ATXN1: variants seen among roughly 807,000 people sequenced by gnomAD.
ATXN1 encodes the protein ataxin-1.
ATXN1 carries 8 observed loss-of-function variants against 56.4 expected under a neutral mutation model. That is an observed-to-expected ratio of 0.14 (90% CI 0.08 to 0.26). The LOEUF is 0.26. Among genes scored for constraint, ATXN1 ranks in the 10% least tolerant of loss-of-function variants. The pLI, the probability that ATXN1 is intolerant of heterozygous loss-of-function variation, is 1.00. For synonymous variants in ATXN1, 514 were observed against 494.6 expected (o/e 1.04, Z -0.52); for missense variants, 987 against 1,106.5 (o/e 0.89, Z 1.53).
intron 6 of ATXN1, among the ~76,000 whole-genome samples, chr6:16,420,731 T>C (rs1339325003): frequency 6.6e-6 from 1 of 152,224 alleles, no homozygotes; most frequent in Non-Finnish European, 1.5e-5. Flanking sequence ...GATGGCTTTA[T>C]AGTCTAAGTT....
chr6:16,458,372 A>T (rs1404785043), intron 6 of ATXN1, among the ~76,000 whole-genome samples: 1 of 152,192 alleles, frequency 6.6e-6, no homozygotes, highest in Non-Finnish European at 1.5e-5. Flanking sequence ...TGCCTTCCTC[A>T]AGCAGCTATG....
chr6:16,492,074 G>C (rs1760676791), intron 5 of ATXN1, among the ~76,000 whole-genome samples: 1 of 152,136 alleles, frequency 6.6e-6, no homozygotes, highest in Admixed American at 6.5e-5. Flanking sequence ...CTCAATTTCA[G>C]TCTTATGAAA....
intron 6 of ATXN1, among the ~76,000 whole-genome samples, chr6:16,404,708 A>AC (rs1253752882): frequency 7.6e-6 from 1 of 131,994 alleles, no homozygotes; most frequent in African/African-American, 3.8e-5. Context: ...GCGCGCGCAC[A>AC]CACGCACACA....
intron 3 of ATXN1, among the ~76,000 whole-genome samples, chr6:16,601,920 C>T (rs1006432549): frequency 7.2e-5 from 11 of 152,056 alleles, no homozygotes; most frequent in Non-Finnish European, 1.5e-5. Flanking sequence ...TTTGTGCAAG[C>T]GTATTTTGTG....
At chr6:16,711,621 T>C (rs539964979) in intron 2 of ATXN1, among the ~76,000 whole-genome samples, 2 of 151,458 alleles carry the variant, frequency 1.3e-5, no homozygotes, top group South Asian at 2.1e-4. Context: ...TATATAGATA[T>C]AGATTGTTTG....
At chr6:16,520,884 T>C (rs1761274402) in intron 5 of ATXN1, among the ~76,000 whole-genome samples, 1 of 152,238 alleles carries the variant, frequency 6.6e-6, no homozygotes, top group Non-Finnish European at 1.5e-5. Flanking sequence ...TTCAGTATGT[T>C]GGTAGACACC....
chr6:16,314,901 G>A (rs1760475539), intron 7 of ATXN1, among the ~76,000 whole-genome samples: 1 of 152,072 alleles, frequency 6.6e-6, no homozygotes, highest in Non-Finnish European at 1.5e-5. Flanking sequence ...GTGAGCCACC[G>A]TGCCCGGCCT....
chr6:16,308,520 G>C (rs958869178), intron 7 of ATXN1, among the ~76,000 whole-genome samples: 1 of 152,170 alleles, frequency 6.6e-6, no homozygotes, highest in African/African-American at 2.4e-5. Context: ...TAGGGAACAG[G>C]TAATGGAGTT....
chr6:16,515,159 G>A (rs987516657), intron 5 of ATXN1, among the ~76,000 whole-genome samples: 8 of 151,770 alleles, frequency 5.3e-5, no homozygotes, highest in African/African-American at 1.2e-4. Context: ...CCTCCACATC[G>A]GTCCCTTTGT....
At chr6:16,476,301 C>T (rs1054514033) in intron 6 of ATXN1, among the ~76,000 whole-genome samples, 2 of 152,108 alleles carry the variant, frequency 1.3e-5, no homozygotes, top group Admixed American at 6.5e-5. Context: ...ATATGAAGCA[C>T]GAAGTTCATG....
intron 6 of ATXN1, among the ~76,000 whole-genome samples, chr6:16,468,436 G>A (rs1176569300): frequency 6.6e-6 from 1 of 152,114 alleles, no homozygotes; most frequent in South Asian, 2.1e-4. Context: ...TGATCTGCCC[G>A]CCTCGGCCTC....
chr6:16,758,650 T>C (rs776913739), intron 1 of ATXN1, among the ~76,000 whole-genome samples: 1 of 152,218 alleles, frequency 6.6e-6, no homozygotes, highest in Non-Finnish European at 1.5e-5. Flanking sequence ...CAAACCCACC[T>C]GAATGGACGA....
chr6:16,669,422 G>A (rs1040881206), intron 2 of ATXN1, among the ~76,000 whole-genome samples: 1 of 152,078 alleles, frequency 6.6e-6, no homozygotes, highest in Non-Finnish European at 1.5e-5. Context: ...AAAGGGCGTG[G>A]CGTACACTGA....
chr6:16,521,813 G>C (rs1761296518), intron 5 of ATXN1, among the ~76,000 whole-genome samples: 1 of 152,198 alleles, frequency 6.6e-6, no homozygotes, highest in Non-Finnish European at 1.5e-5. Flanking sequence ...GGTTTGGAAA[G>C]GGCGCAGAAG....
At chr6:16,388,511 A>G (rs1758286167) in intron 6 of ATXN1, among the ~76,000 whole-genome samples, 1 of 152,370 alleles carries the variant, frequency 6.6e-6, no homozygotes, top group African/African-American at 2.4e-5. Context: ...TGCAGGAGAA[A>G]TTCTGCTACG....
intron 6 of ATXN1, among the ~76,000 whole-genome samples, chr6:16,431,947 G>A (rs1759293289): frequency 6.6e-6 from 1 of 152,146 alleles, no homozygotes; most frequent in Non-Finnish European, 1.5e-5. Context: ...GGAGCCAAAG[G>A]CAGTTTGCAA....
intron 3 of ATXN1, among the ~76,000 whole-genome samples, chr6:16,611,896 G>A (rs1040239653): frequency 9.6e-6 from 1 of 103,784 alleles, no homozygotes; most frequent in Admixed American, 1.6e-4. Context: ...GTCTCACTCT[G>A]TTGCCCATTC....
intron 4 of ATXN1, among the ~76,000 whole-genome samples, chr6:16,557,020 T>C (rs1268561109): frequency 6.6e-6 from 1 of 152,082 alleles, no homozygotes; most frequent in East Asian, 1.9e-4. Context: ...AGGAGGACTA[T>C]ATGCAAGATC....
At chr6:16,325,266 C>T (rs1337803769) in intron 7 of ATXN1, among the ~76,000 whole-genome samples, 1 of 151,932 alleles carries the variant, frequency 6.6e-6, no homozygotes, top group African/African-American at 2.4e-5. Flanking sequence ...TACAGGCACA[C>T]ACCACCATGC....
Sources: gnomAD v4.1 joint callset for allele counts (sites outside exome capture counted in the v4.1 genomes callset) on GRCh38, gnomAD v4.1.1 for gene constraint, MANE v1.5 for transcripts, NCBI Gene and HGNC (gene_info 2026-07-23, HGNC 2026-07-21) for gene names.